The following SNX29 variants were observed in gnomAD, a reference collection of about 807,000 sequenced individuals.
SNX29 encodes the protein sorting nexin-29.
A neutral mutation model predicts 102.1 loss-of-function variants in SNX29; 78 were observed. That is an observed-to-expected ratio of 0.76 (90% CI 0.64 to 0.92). The LOEUF (loss-of-function observed/expected upper bound fraction) is 0.92, where lower values mean the gene tolerates loss of function less well. Ranked by LOEUF, SNX29 falls within the 40% of genes least tolerant of loss-of-function variation. The pLI is 0.00. For synonymous variants in SNX29, 580 were observed against 414.5 expected (o/e 1.40, Z -4.85); for missense variants, 1,280 against 1,061.7 (o/e 1.21, Z -2.86).
chr16:12,562,196 G>A (rs748002300), intron 20 of SNX29, among the ~76,000 whole-genome samples: 3 of 152,036 alleles, frequency 2.0e-5, no homozygotes, highest in African/African-American at 4.8e-5. Flanking sequence ...AGGGTTCACA[G>A]AGGAGTGAAC....
chr16:12,460,777 C>G (rs1191064607), intron 18 of SNX29, among the ~76,000 whole-genome samples: 1 of 151,578 alleles, frequency 6.6e-6, no homozygotes, highest in Non-Finnish European at 1.5e-5. Flanking sequence ...CCAGCCTCAA[C>G]CTCCTGAGTA....
At chr16:12,062,377 AAAATAAATAAAT>A (rs34207508) in intron 9 of SNX29, among the ~76,000 whole-genome samples, 4,074 of 137,688 alleles carry the variant, frequency 0.03, 99 homozygotes, top group African/African-American at 0.052. Flanking sequence ...ACTCTGTCTC[AAAATAAATAAAT>A]AAATAAATAA....
intron 13 of SNX29, among the ~76,000 whole-genome samples, chr16:12,169,250 G>C (rs73521809): frequency 1.3e-5 from 2 of 152,134 alleles, no homozygotes; most frequent in Non-Finnish European, 2.9e-5. Flanking sequence ...GAGGCTGTCC[G>C]GGAGCCCCAG....
In SNX29 at chr16:12,140,355, C is replaced by T. The variant is rs554686674; in HGVS notation, c.1595+10597C>T. ...GTAGCTCTGGAGAAGTCTTGGGATT[C>T]ACTCTCTCATTTCCCGGGCCAGCTG... On this transcript the variant is annotated intron_variant, in intron 13 of 20. Transcript: ENST00000566228. 2.6e-5 allele frequency among the ~76,000 whole-genome samples: 4 copies of T among 152,302 alleles called. No homozygotes were observed. In the South Asian group the frequency reaches 8.3e-4, roughly 32 times the overall value.
At chr16:12,277,497 A>T (rs557010681) in intron 14 of SNX29, among the ~76,000 whole-genome samples, 57 of 152,344 alleles carry the variant, frequency 3.7e-4, no homozygotes, top group African/African-American at 1.3e-3. Flanking sequence ...CCTGAAATGG[A>T]AAGTAGTGAC....
intron 15 of SNX29, among the ~76,000 whole-genome samples, chr16:12,348,760 C>T (rs1047599458): frequency 1.3e-5 from 2 of 152,204 alleles, no homozygotes; most frequent in African/African-American, 4.8e-5. Context: ...CTGCTTACTT[C>T]CTGTGTGGTC....
chr16:12,479,510 C>A (rs1356251893), intron 19 of SNX29, among the ~76,000 whole-genome samples: 1 of 152,164 alleles, frequency 6.6e-6, no homozygotes, highest in Non-Finnish European at 1.5e-5. Flanking sequence ...TTATCCCAGG[C>A]CCAGAATACA....
At chr16:12,302,549 C>T (rs927788464) in intron 15 of SNX29, among the ~76,000 whole-genome samples, 6 of 151,586 alleles carry the variant, frequency 4.0e-5, no homozygotes, top group Non-Finnish European at 8.8e-5. Context: ...GTTCTCACAT[C>T]GTGGAAGGAC....
intron 15 of SNX29, among the ~76,000 whole-genome samples, chr16:12,329,276 C>CA (rs55968518): frequency 0.028 from 2,467 of 88,836 alleles, 163 homozygotes; most frequent in African/African-American, 0.095. Context: ...GACCTTGTCT[C>CA]AAAAAAAAAA....
intron 13 of SNX29, among the ~76,000 whole-genome samples, chr16:12,131,660 T>C (rs764758745): frequency 1.5e-4 from 23 of 152,214 alleles, no homozygotes; most frequent in Non-Finnish European, 3.4e-4. Context: ...GTTTATTGCT[T>C]GTTCTGTAAA....
At position 12,331,829 on chromosome 16, in the gene SNX29, A is replaced by G. The variant is rs144303445; in HGVS notation, c.1783-24334A>G. On this transcript the variant is annotated intron_variant, in intron 15 of 20. Coordinates refer to ENST00000566228, the MANE Select transcript of SNX29 (RefSeq NM_032167.5). ...AGCCTCCCAATGTGCTGGGATTACA[A>G]GTGTGAGCCACCATGCCTGGCCAGA... is the stretch of plus-strand genomic sequence containing the variant. Among the ~76,000 whole-genome samples, 1,093 of 152,254 alleles carry G rather than the reference A, an allele frequency of 7.2e-3. 26 individuals are homozygous for G. The highest frequency in any genetic ancestry group is 0.044 in the Admixed American group (673 of 15,302).
chr16:12,496,863 A>T (rs2088853365), intron 19 of SNX29, among the ~76,000 whole-genome samples: 1 of 152,110 alleles, frequency 6.6e-6, no homozygotes, highest in Non-Finnish European at 1.5e-5. Context: ...AATTAAGTAG[A>T]CAAGGGAAGA....
chr16:11,983,046 T>C (rs393630), intron 1 of SNX29, among the ~76,000 whole-genome samples: 114,356 of 151,734 alleles, frequency 0.75, 44,193 homozygotes, highest in Non-Finnish European at 0.84. Context: ...TTCTCTTGCC[T>C]CAGCCTCCTG....
intron 1 of SNX29, among the ~76,000 whole-genome samples, chr16:11,996,922 C>T (rs75737972): frequency 0.013 from 1,998 of 152,198 alleles, 48 homozygotes; most frequent in African/African-American, 0.045. Flanking sequence ...AAAATACTAA[C>T]GGTACTTTTT....
intron 13 of SNX29, among the ~76,000 whole-genome samples, chr16:12,193,008 A>T (rs2076682327): frequency 6.6e-6 from 1 of 151,598 alleles, no homozygotes; most frequent in Admixed American, 6.6e-5. Context: ...AGTCTAAAAA[A>T]TTTTTTTGTA....
At chr16:12,431,575 C>A (rs2085318458) in intron 18 of SNX29, among the ~76,000 whole-genome samples, 2 of 151,196 alleles carry the variant, frequency 1.3e-5, no homozygotes, top group Non-Finnish European at 1.5e-5. Context: ...GAAATAAACT[C>A]ATTCCCTTAA....
At chr16:12,455,592 C>A (rs985621719) in intron 18 of SNX29, among the ~76,000 whole-genome samples, 2 of 152,238 alleles carry the variant, frequency 1.3e-5, no homozygotes, top group Admixed American at 1.3e-4. Context: ...TTAGGTGAGA[C>A]TTTTCTGACT....
chr16:12,550,246 G>A (rs1265758686), intron 20 of SNX29, among the ~76,000 whole-genome samples: 1 of 152,126 alleles, frequency 6.6e-6, no homozygotes, highest in Non-Finnish European at 1.5e-5. Context: ...TTTAGAAATA[G>A]CAAATATGGG....
intron 3 of SNX29, among the ~76,000 whole-genome samples, chr16:12,012,015 G>C (rs2056670184): frequency 6.6e-6 from 1 of 152,030 alleles, no homozygotes; most frequent in Non-Finnish European, 1.5e-5. Context: ...AAGGTTGGAG[G>C]GATTGCCTCA....
Sources: gnomAD v4.1 joint callset for allele counts (sites outside exome capture counted in the v4.1 genomes callset) on GRCh38, gnomAD v4.1.1 for gene constraint, MANE v1.5 for transcripts, NCBI Gene and HGNC (gene_info 2026-07-23, HGNC 2026-07-21) for gene names.